Variants in TMEFF2 observed in about 807,000 individuals in gnomAD.
TMEFF2 encodes the protein transmembrane protein with EGF like and two follistatin like domains 2.
A neutral mutation model predicts 53.8 loss-of-function variants in TMEFF2; 28 were observed. The ratio of observed to expected loss-of-function variants is 0.52; its 90% CI spans 0.39 to 0.71. The LOEUF is 0.71. Among genes scored for constraint, TMEFF2 ranks in the 30% least tolerant of loss-of-function variants. The pLI, the probability that TMEFF2 is intolerant of heterozygous loss-of-function variation, is 0.00. For synonymous variants in TMEFF2, 162 were observed against 166.3 expected, an observed-to-expected ratio of 0.97 and a Z score of 0.20; for missense variants, 353 against 455.2, an observed-to-expected ratio of 0.78 and a Z score of 2.04.
At chr2:192,165,873 T>C (rs1690752447) in intron 4 of TMEFF2, among the ~76,000 whole-genome samples, 1 of 152,312 alleles carries the variant, frequency 6.6e-6, no homozygotes, top group South Asian at 2.1e-4. Flanking sequence ...GAAAACTACT[T>C]AGAGGAAGTT....
chr2:191,962,849 A>G (rs1011760202), intron 7 of TMEFF2, among the ~76,000 whole-genome samples: 15 of 152,150 alleles, frequency 9.9e-5, no homozygotes, highest in African/African-American at 3.1e-4. Context: ...AGCCCTCAGA[A>G]GAGTGAAGAG....
chr2:191,954,137 TCAG>T (rs1691989958), intron 8 of TMEFF2, among the ~76,000 whole-genome samples: 1 of 152,152 alleles, frequency 6.6e-6, no homozygotes, highest in Non-Finnish European at 1.5e-5. Context: ...TCCGCCCACC[TCAG>T]CCTCCCAAAG....
At chr2:192,008,777 C>T (rs752645818) in intron 5 of TMEFF2, among the ~76,000 whole-genome samples, 1 of 152,206 alleles carries the variant, frequency 6.6e-6, no homozygotes, top group Non-Finnish European at 1.5e-5. Flanking sequence ...TTCCCAAGCG[C>T]CAGGATTCCC....
intron 5 of TMEFF2, chr2:192,030,633 C>A (rs1437541684): frequency 6.6e-6 from 1 of 151,952 alleles, no homozygotes; most frequent in Non-Finnish European, 1.5e-5. Flanking sequence ...TGGATGTCTA[C>A]AAAGAGTGAA....
At position 192,055,774 on chromosome 2, in the gene TMEFF2, CAAAA is replaced by C. The variant is rs71405038; in HGVS notation, c.536+1901_536+1904del. 1.1e-3 allele frequency among the ~76,000 whole-genome samples: 45 copies of C among 42,490 alleles called. 1 individual carries two copies. Among genetic ancestry groups the C allele is most frequent in the Admixed American group, 5.6e-4 (2 of 3,552 alleles). 27.9% of individuals were successfully genotyped at this position (42,490 alleles called of 152,430 possible). On this transcript the variant is annotated intron_variant, in intron 5 of 9. Coordinates refer to ENST00000272771, the MANE Select transcript of TMEFF2 (RefSeq NM_016192.4). ...TGGGCGACAGAGTGAGACTCCATCTCAAAAAAAAAAAAAAAAAAAAAAAAAGAAG... is the reference window on the plus strand; with the variant it reads ...TGGGCGACAGAGTGAGACTCCATCTCAAAAAAAAAAAAAAAAAAAAAGAAG...
At chr2:191,956,091 A>AATGCTTGT (rs58668276) in intron 8 of TMEFF2, among the ~76,000 whole-genome samples, 164 bp downstream of exon 8, 11 of 150,128 alleles carry the variant, frequency 7.3e-5, no homozygotes, top group South Asian at 4.3e-4. Context: ...TTAGTGTGTG[A>AATGCTTGT]GTATGTGTGT....
chr2:191,951,197 ATATATATGTATAGTTT>A (rs1469616516), intron 9 of TMEFF2, among the ~76,000 whole-genome samples: 2 of 151,954 alleles, frequency 1.3e-5, no homozygotes, highest in Non-Finnish European at 2.9e-5. Context: ...GTATATAAAT[ATATATATGTATAGTTT>A]TAGAGGGAGG....
chr2:192,099,949 C>G (rs1046387053), intron 4 of TMEFF2, among the ~76,000 whole-genome samples: 8 of 152,078 alleles, frequency 5.3e-5, no homozygotes, highest in African/African-American at 1.9e-4. Context: ...CACCCCATAT[C>G]TTGGCCAGAA....
At chr2:191,952,322 A>G (rs919963285) in intron 9 of TMEFF2, among the ~76,000 whole-genome samples, 15 of 152,228 alleles carry the variant, frequency 9.9e-5, no homozygotes, top group Admixed American at 2.6e-4. Context: ...AACATGAGCT[A>G]AAGTATTTAC....
chr2:191,977,596 C>G (rs1364135961), intron 7 of TMEFF2, among the ~76,000 whole-genome samples: 1 of 151,908 alleles, frequency 6.6e-6, no homozygotes, highest in Non-Finnish European at 1.5e-5. Context: ...AAAATAATCT[C>G]TCCTTCCATG....
In TMEFF2 at chr2:192,096,670, C is replaced by CTCTCTGTCTTT. The variant is rs61068218; in HGVS notation, c.440-38896_440-38895insAAAGACAGAGA. ...CTTCCTTCTCTCTCTCTCTCTCTCT[C>CTCTCTGTCTTT]TTTTTTTTTTTTTTTTTTTTTTTGA... On this transcript the variant is annotated intron_variant, in intron 4 of 9. Coordinates refer to ENST00000272771, the MANE Select transcript of TMEFF2 (RefSeq NM_016192.4). Among the ~76,000 whole-genome samples, 5 of 53,686 alleles carry CTCTCTGTCTTT rather than the reference C, an allele frequency of 9.3e-5. No individual in the cohort carries two copies. The East Asian group carries it at 4.7e-3, about 50-fold the overall frequency. 35.2% of individuals were successfully genotyped at this position (53,686 alleles called of 152,430 possible).
chr2:192,010,690 CAGA>C, intron 5 of TMEFF2, among the ~76,000 whole-genome samples: 1 of 152,156 alleles, frequency 6.6e-6, no homozygotes. Context: ...GAGATCACAA[CAGA>C]AGGAGGAAAA....
At chr2:192,069,100 A>G (rs1390257707) in intron 4 of TMEFF2, among the ~76,000 whole-genome samples, 2 of 151,022 alleles carry the variant, frequency 1.3e-5, no homozygotes, top group Non-Finnish European at 3.0e-5. Flanking sequence ...TTGACCCCCT[A>G]CTCGACTCAC....
intron 4 of TMEFF2, among the ~76,000 whole-genome samples, chr2:192,145,099 A>G (rs1690217684): frequency 6.6e-6 from 1 of 152,114 alleles, no homozygotes; most frequent in South Asian, 2.1e-4. Context: ...TATGCATATT[A>G]TATAGTGCTA....
intron 5 of TMEFF2, among the ~76,000 whole-genome samples, chr2:192,018,002 A>AC (rs77338358): frequency 0.1 from 15,322 of 152,034 alleles, 940 homozygotes; most frequent in East Asian, 0.3. Flanking sequence ...CTTTACCCTC[A>AC]CTTTCTCCAC....
chr2:192,129,973 C>T (rs575668695), intron 4 of TMEFF2, among the ~76,000 whole-genome samples: 5 of 152,274 alleles, frequency 3.3e-5, no homozygotes, highest in Admixed American at 1.3e-4. Context: ...TTAACTGCAA[C>T]TGTATTATTT....
Position 191,949,482 on chromosome 2 carries a change from C to T in TMEFF2, c.*829G>A, listed in dbSNP as rs1037547245. ...GAGAATTCACGATTTTGGTGTTTCA[C>T]ATCTAGTGGTGTTATTACATTTTTC... On this transcript the variant is annotated 3_prime_UTR_variant, in exon 10 of 10. Transcript: ENST00000272771. 6.1e-5 allele frequency: 60 copies of T among 985,212 alleles called. No homozygotes were observed. The highest frequency in any genetic ancestry group is 6.6e-5 in the Non-Finnish European group (55 of 829,910). 61.0% of individuals were successfully genotyped at this position (985,212 alleles called of 1,614,324 possible).
chr2:192,119,313 G>A (rs1689490047), intron 4 of TMEFF2, among the ~76,000 whole-genome samples: 1 of 152,162 alleles, frequency 6.6e-6, no homozygotes, highest in African/African-American at 2.4e-5. Flanking sequence ...GAGGTTCAAA[G>A]TTAGTATTCT....
intron 5 of TMEFF2, among the ~76,000 whole-genome samples, chr2:192,045,665 C>G (rs1188801072): frequency 1.3e-5 from 2 of 152,148 alleles, no homozygotes; most frequent in African/African-American, 2.4e-5. Context: ...TAGACTCCTA[C>G]TCACCAAGAC....
Sources: allele counts gnomAD v4.1 joint callset (sites outside exome capture counted in the v4.1 genomes callset), GRCh38; gene constraint gnomAD v4.1.1; transcripts MANE v1.5; gene names NCBI Gene and HGNC (gene_info 2026-07-23, HGNC 2026-07-21).